MAP7D3: variants seen among roughly 807,000 people sequenced by gnomAD.
MAP7D3 encodes MAP7 domain containing 3.
MAP7D3 carries 45 observed loss-of-function variants against 62.2 expected under a neutral mutation model. The observed-to-expected ratio is 0.72, with a 90% confidence interval of 0.57 to 0.93. The LOEUF (loss-of-function observed/expected upper bound fraction) is 0.93, where lower values mean the gene tolerates loss of function less well. Among genes scored for constraint, MAP7D3 ranks in the 40% least tolerant of loss-of-function variants. The pLI, the probability that MAP7D3 is intolerant of heterozygous loss-of-function variation, is 0.00. For synonymous variants in MAP7D3, 288 were observed against 248.8 expected, an observed-to-expected ratio of 1.16 and a Z score of -1.48; for missense variants, 711 against 683.1, an observed-to-expected ratio of 1.04 and a Z score of -0.45.
In MAP7D3 at chrX:136,231,784, T is replaced by C. The variant is rs201910412; in HGVS notation, c.1173A>G (p.Glu391=). The part of the protein sequence containing the change: ...SIVASPEASL[E]APPEVSLEAL... ...CTTCCAGACTCACTTCCGGGGGTGC[T>C]TCCAGGCTCGCCTCCGGGGATGCTA... Residue 391 remains glutamate, a synonymous_variant, in exon 8 of 19, where the codon GAA becomes GAG. Coordinates refer to ENST00000316077, the MANE Select transcript of MAP7D3 (RefSeq NM_024597.4). 479 of 1,209,585 alleles carry C rather than the reference T, an allele frequency of 4.0e-4. No homozygotes were observed. The highest frequency in any genetic ancestry group is 6.9e-4 in the Middle Eastern group (3 of 4,368).
At chrX:136,234,152 GGAT>G (rs2074304026) in intron 7 of MAP7D3, among the ~76,000 whole-genome samples, 1 of 108,554 alleles carries the variant, frequency 9.2e-6, no homozygotes, top group African/African-American at 3.4e-5. Flanking sequence ...AAAGGGAGTG[GGAT>G]ATATACTGGA....
chrX:136,227,090 T>C (rs770676993), intron 12 of MAP7D3, among the ~76,000 whole-genome samples, 194 bp downstream of exon 12: 3 of 110,990 alleles, frequency 2.7e-5, no homozygotes, highest in Admixed American at 9.6e-5. Context: ...GATTGTGCCA[T>C]TGCACTCCAG....
intron 4 of MAP7D3, among the ~76,000 whole-genome samples, chrX:136,241,934 T>C (rs2074394276): frequency 9.0e-6 from 1 of 111,730 alleles, no homozygotes; most frequent in Non-Finnish European, 1.9e-5. Context: ...CTTCCAGAAA[T>C]GAGCTCTTCT....
chrX:136,247,715 C>A (rs2074463909), intron 1 of MAP7D3, among the ~76,000 whole-genome samples: 1 of 109,811 alleles, frequency 9.1e-6, no homozygotes, highest in Admixed American at 9.8e-5. Flanking sequence ...CCATGGACCA[C>A]AATTATTTTC....
rs1205027465 is a variant in MAP7D3 at position 136,244,790 on chromosome X, T to C, written c.259A>G (p.Lys87Glu). 8.4e-7 allele frequency: 1 copy of C among 1,187,440 alleles called. No homozygotes were observed. Among genetic ancestry groups the C allele is most frequent in the South Asian group, 1.9e-5 (1 of 53,797 alleles). ...TCTTTTTCAAGTAGTTGTGTTTCTT[T>C]ATTGGCTGAAATATTCCAAATACAT... The part of the protein sequence containing the change: ...EEKRRQQDAN[K>E]ETQLLEKERK... The change falls in exon 4 of 19, where the codon AAA becomes GAA. Residue 87 changes from lysine to glutamate, a missense_variant. By Grantham distance (56) the Lys-to-Glu change is moderately conservative. Transcript: ENST00000316077.
Position 136,219,445 on chromosome X carries a change from G to A in MAP7D3, c.2616C>T (p.Asp872=). ...GCTTCTTCTCTTATTGTCTAAAGGT[G>A]TCTGAGGACTTTGGCAAGATGTCAT... The part of the protein sequence containing the change: ...GFHDILPKSS[D]TFRQ The change falls in exon 18 of 19, where the codon GAC becomes GAT. Residue 872 remains aspartate (D), a synonymous_variant. Coordinates refer to ENST00000316077, the MANE Select transcript of MAP7D3 (RefSeq NM_024597.4). 1 of 1,204,841 alleles carries A rather than the reference G, an allele frequency of 8.3e-7. No individual in the cohort carries two copies. Among genetic ancestry groups the A allele is most frequent in the Non-Finnish European group, 1.1e-6 (1 of 889,398 alleles).
intron 1 of MAP7D3, among the ~76,000 whole-genome samples, chrX:136,247,111 G>T (rs2074456406): frequency 8.9e-6 from 1 of 112,372 alleles, no homozygotes; most frequent in African/African-American, 3.2e-5. Flanking sequence ...ATTATACAAG[G>T]TGCAAACAAA....
intron 6 of MAP7D3, among the ~76,000 whole-genome samples, chrX:136,238,350 G>A (rs2074353717): frequency 8.9e-6 from 1 of 111,850 alleles, no homozygotes; most frequent in Admixed American, 9.5e-5. Context: ...TACTAAATAT[G>A]TAATAAATGT....
chrX:136,226,698 T>C (rs1046260337), intron 12 of MAP7D3, among the ~76,000 whole-genome samples: 1 of 111,832 alleles, frequency 8.9e-6, no homozygotes, highest in Admixed American at 9.5e-5. Context: ...TTAAAGCAAT[T>C]TGGATTTCAA....
chrX:136,232,044 C>G lies in MAP7D3; in HGVS notation c.913G>C (p.Ala305Pro). The change falls in exon 8 of 19, where the codon GCA becomes CCA. Residue 305 changes from alanine (A) to proline (P), a missense_variant. Coordinates refer to ENST00000316077, the MANE Select transcript of MAP7D3 (RefSeq NM_024597.4). Reference protein sequence around the residue: ...VETPPKASVDAPPQVNVEVFC... With the variant: ...VETPPKASVDPPPQVNVEVFC... ...ACTTCCACATTCACCTGGGGGGGTG[C>G]ATCCACACTTGCCTTGGGAGGTGTC... is the stretch of plus-strand genomic sequence containing the variant. 1.7e-6 allele frequency: 2 copies of G among 1,211,084 alleles called. No homozygotes were observed. Among genetic ancestry groups the G allele is most frequent in the Non-Finnish European group, 2.2e-6 (2 of 894,793 alleles).
At position 136,236,280 on chromosome X, in the gene MAP7D3, A is replaced by G. The variant is rs1318496121; in HGVS notation, c.700T>C (p.Ser234Pro). 8.4e-7 allele frequency: 1 copy of G among 1,195,433 alleles called. No homozygotes were observed. Among genetic ancestry groups the G allele is most frequent in the East Asian group, 3.0e-5 (1 of 33,373 alleles). ...LNRRDSNLHS[S>P]TDKEQAERKP... is the part of the protein sequence containing the mutation. ...CTTTCGGCTTGTTCTTTATCAGTAGACGAATGTAGGTTACTATCTCTTCTA... is the reference window on the plus strand; with the variant it reads ...CTTTCGGCTTGTTCTTTATCAGTAGGCGAATGTAGGTTACTATCTCTTCTA... Residue 234 changes from serine (S) to proline (P), a missense_variant, in exon 7 of 19, where the codon TCT (serine) becomes CCT (proline). Physicochemically the swap from Ser to Pro is moderately conservative, Grantham distance 74 (BLOSUM62 -1). Transcript: ENST00000316077.
downstream of MAP7D3, among the ~76,000 whole-genome samples, chrX:136,216,246 T>C (rs1411018493): frequency 9.6e-6 from 1 of 104,594 alleles, no homozygotes; most frequent in Non-Finnish European, 1.9e-5. Context: ...ACATCTAGGC[T>C]GGGTGTGGTG....
In MAP7D3 at chrX:136,244,657, C is replaced by T. The variant is rs1477871910; in HGVS notation, c.392G>A (p.Arg131Lys). 1 of 1,210,194 alleles carries T rather than the reference C, an allele frequency of 8.3e-7. No homozygotes were observed. Among genetic ancestry groups the T allele is most frequent in the Non-Finnish European group, 1.1e-6 (1 of 894,914 alleles). ...EQRRIAAEEKRHQKDEAQKEK... is the reference protein window; with the variant it reads ...EQRRIAAEEKKHQKDEAQKEK... ...CTTTTGTGCTTCATCCTTCTGGTGTCTTTTTTCTTCTGCAGCTATTCTCCG... is the reference window on the plus strand; with the variant it reads ...CTTTTGTGCTTCATCCTTCTGGTGTTTTTTTTCTTCTGCAGCTATTCTCCG... Residue 131 changes from arginine (R) to lysine (K), a missense_variant, in exon 4 of 19, where the codon AGA becomes AAA. Arg to Lys is a conservative substitution (Grantham distance 26). Transcript: ENST00000316077.
chrX:136,241,362 C>T (rs1240785080), intron 4 of MAP7D3, 85 bp from the exon 5 acceptor site: 4 of 535,008 alleles, frequency 7.5e-6, no homozygotes, highest in Non-Finnish European at 1.2e-5. Context: ...TAAACCATAA[C>T]CAAATTTCTG....
Position 136,216,987 on chromosome X carries a change from C to T in MAP7D3, c.*1539G>A, listed in dbSNP as rs762931789. 1.8e-5 allele frequency: 2 copies of T among 111,933 alleles called. No individual in the cohort carries two copies. The highest frequency in any genetic ancestry group is 3.8e-5 in the Non-Finnish European group (2 of 53,228). The allele number at this position is 111,933 out of a possible 1,213,427, so 9.2% of individuals were successfully genotyped here. ...AAATAGTTTTTAAACCAAAGGTAACCTTCTCTATTCTATATCAAAAGTACA... is the reference window on the plus strand; with the variant it reads ...AAATAGTTTTTAAACCAAAGGTAACTTTCTCTATTCTATATCAAAAGTACA... On this transcript the variant is annotated 3_prime_UTR_variant, in exon 19 of 19. Transcript: ENST00000316077.
At chrX:136,215,372 A>G (rs1029131766), downstream of MAP7D3, among the ~76,000 whole-genome samples, 1 of 111,367 alleles carries the variant, frequency 9.0e-6, no homozygotes, top group African/African-American at 3.3e-5. Flanking sequence ...TTCTCATAGA[A>G]GTGAGAACCC....
At chrX:136,238,398 A>G in intron 6 of MAP7D3, among the ~76,000 whole-genome samples, 1 of 112,473 alleles carries the variant, frequency 8.9e-6, no homozygotes, top group East Asian at 2.8e-4. Context: ...GAAAGCAATT[A>G]GATAGTAAAA....
chrX:136,245,894 GA>G (rs1400912341), intron 3 of MAP7D3, among the ~76,000 whole-genome samples, 170 bp downstream of exon 3: 1 of 111,448 alleles, frequency 9.0e-6, no homozygotes, highest in African/African-American at 3.3e-5. Context: ...TTTAATCAAA[GA>G]ATTTTCATGG....
chrX:136,213,536 G>A (rs936963514), downstream of MAP7D3: 1 of 111,043 alleles, frequency 9.0e-6, no homozygotes, highest in African/African-American at 3.3e-5. Context: ...AGAATCCCAT[G>A]TGGGAGACAT....
Sources: allele counts gnomAD v4.1 joint callset (sites outside exome capture counted in the v4.1 genomes callset), GRCh38; gene constraint gnomAD v4.1.1; transcripts MANE v1.5; gene names NCBI Gene and HGNC (gene_info 2026-07-23, HGNC 2026-07-21).